Variants in NELL1 observed in about 807,000 individuals in gnomAD.
NELL1 encodes neural EGFL like 1, also known as protein kinase C-binding protein NELL1.
In NELL1, 76 loss-of-function variants were observed where a neutral mutation model predicts 107.4. That is an observed-to-expected ratio of 0.71 (90% CI 0.59 to 0.86). The LOEUF (loss-of-function observed/expected upper bound fraction) is 0.86, where lower values mean the gene tolerates loss of function less well. Among genes scored for constraint, NELL1 ranks in the 40% least tolerant of loss-of-function variants. The pLI is 0.00. For missense variants in NELL1, 1,024 were observed against 1,005.5 expected (o/e 1.02, Z -0.25); for synonymous variants, 353 against 341.2 (o/e 1.03, Z -0.38).
chr11:21,307,202 C>T (rs1236508160), intron 14 of NELL1, among the ~76,000 whole-genome samples: 2 of 151,886 alleles, frequency 1.3e-5, no homozygotes, highest in Non-Finnish European at 2.9e-5. Context: ...ACATCGACAG[C>T]TCTTTGACTA....
chr11:21,143,809 G>C (rs1002773358), intron 13 of NELL1, among the ~76,000 whole-genome samples: 2 of 152,018 alleles, frequency 1.3e-5, no homozygotes, highest in Non-Finnish European at 2.9e-5. Flanking sequence ...ATAAAGTCCC[G>C]GCAAGATGAA....
intron 2 of NELL1, among the ~76,000 whole-genome samples, chr11:20,763,097 C>G (rs1047416438): frequency 1.3e-5 from 2 of 152,134 alleles, no homozygotes; most frequent in Admixed American, 6.5e-5. Context: ...CTAACTTACC[C>G]GGAGACACCT....
chr11:20,722,705 C>T (rs577316672), intron 2 of NELL1, among the ~76,000 whole-genome samples: 2 of 152,196 alleles, frequency 1.3e-5, no homozygotes, highest in Admixed American at 1.3e-4. Flanking sequence ...AAGCCAGAGT[C>T]AGAGAAATAA....
chr11:21,143,500 T>C (rs1220770065), intron 13 of NELL1, among the ~76,000 whole-genome samples: 1 of 152,094 alleles, frequency 6.6e-6, no homozygotes, highest in East Asian at 1.9e-4. Context: ...CTTGGTGGAG[T>C]AGCCAAAGGA....
intron 15 of NELL1, among the ~76,000 whole-genome samples, chr11:21,445,685 T>C (rs1200806320): frequency 3.3e-5 from 5 of 152,198 alleles, no homozygotes; most frequent in Admixed American, 6.5e-5. Context: ...ATTAATATCC[T>C]TTTCTTTCAG....
chr11:20,695,676 G>C (rs1040339573), intron 2 of NELL1, among the ~76,000 whole-genome samples: 1 of 152,046 alleles, frequency 6.6e-6, no homozygotes, highest in Admixed American at 6.6e-5. Flanking sequence ...CTGTTTGCTC[G>C]TATTTTGTTG....
chr11:20,778,016 G>C (rs1422679222), intron 2 of NELL1, among the ~76,000 whole-genome samples: 1 of 152,184 alleles, frequency 6.6e-6, no homozygotes, highest in Non-Finnish European at 1.5e-5. Context: ...TGTAGTAAGA[G>C]ATACACTTGC....
At chr11:20,775,875 T>C (rs1389479118) in intron 2 of NELL1, among the ~76,000 whole-genome samples, 1 of 152,226 alleles carries the variant, frequency 6.6e-6, no homozygotes, top group Admixed American at 6.5e-5. Flanking sequence ...TTTAGTCCCC[T>C]AATGGAGGAG....
intron 2 of NELL1, among the ~76,000 whole-genome samples, chr11:20,770,163 C>T (rs1394691432): frequency 2.6e-5 from 4 of 152,060 alleles, no homozygotes; most frequent in African/African-American, 9.7e-5. Flanking sequence ...CATTTTAGCC[C>T]TCAGTTATGG....
chr11:21,050,506 A>G (rs1221176222), intron 12 of NELL1, among the ~76,000 whole-genome samples: 2 of 152,206 alleles, frequency 1.3e-5, no homozygotes, highest in East Asian at 1.9e-4. Context: ...GAATTAAAAT[A>G]TACAGTGTTA....
rs1470817400 is a variant in NELL1, at chr11:20,705,006, T to C, written c.184+26946T>C. On this transcript the variant is annotated intron_variant, in intron 2 of 19. Coordinates refer to ENST00000357134, the MANE Select transcript of NELL1 (RefSeq NM_006157.5). ...AACTACAAACCACTGCTCAATGAAA[T>C]AAAAGAGGATACAAACAAATGGAAG... is the stretch of plus-strand genomic sequence containing the variant. Among the ~76,000 whole-genome samples the C allele has an allele frequency of 2.0e-5, 3 of 151,910 alleles. No individual in the cohort carries two copies. The East Asian group carries it at 5.8e-4, about 29-fold the overall frequency.
At chr11:21,515,164 A>G (rs7952026) in intron 15 of NELL1, among the ~76,000 whole-genome samples, 56,806 of 152,130 alleles carry the variant, frequency 0.37, 12,208 homozygotes, top group Non-Finnish European at 0.48. Flanking sequence ...TGATTTTTAC[A>G]GTACAGACCT....
At chr11:21,110,458 G>A (rs1021817314) in intron 12 of NELL1, among the ~76,000 whole-genome samples, 1 of 152,054 alleles carries the variant, frequency 6.6e-6, no homozygotes, top group African/African-American at 2.4e-5. Flanking sequence ...AAATAGCTTG[G>A]CTGGCTTGAC....
chr11:21,548,333 ATTAG>A (rs1319144960), intron 16 of NELL1, among the ~76,000 whole-genome samples: 1 of 151,884 alleles, frequency 6.6e-6, no homozygotes, highest in African/African-American at 2.4e-5. Context: ...TGGAGATTGT[ATTAG>A]TTTGTTTTCA....
intron 2 of NELL1, among the ~76,000 whole-genome samples, chr11:20,689,798 C>G (rs1425546442): frequency 1.3e-5 from 2 of 151,710 alleles, no homozygotes; most frequent in Non-Finnish European, 2.9e-5. Flanking sequence ...TGGGTATATA[C>G]TCAGTAATGG....
intron 13 of NELL1, among the ~76,000 whole-genome samples, chr11:21,137,536 G>A (rs368249131): frequency 3.9e-5 from 6 of 152,174 alleles, no homozygotes; most frequent in East Asian, 1.9e-4. Context: ...GTTGGATAGC[G>A]GGTAGAATTT....
At chr11:20,892,785 C>T (rs147232616) in intron 5 of NELL1, among the ~76,000 whole-genome samples, 1,852 of 152,106 alleles carry the variant, frequency 0.012, 52 homozygotes, top group African/African-American at 0.039. Context: ...AAAACTTAGC[C>T]GGGTGTGGCG....
intron 9 of NELL1, among the ~76,000 whole-genome samples, chr11:20,935,973 G>A (rs2134182952): frequency 6.6e-6 from 1 of 152,222 alleles, no homozygotes; most frequent in African/African-American, 2.4e-5. Context: ...ATATTTGGGT[G>A]GGGAGTGAGG....
At chr11:21,438,442 A>G (rs1014957398) in intron 15 of NELL1, among the ~76,000 whole-genome samples, 1 of 152,016 alleles carries the variant, frequency 6.6e-6, no homozygotes, top group African/African-American at 2.4e-5. Flanking sequence ...ACTCAGAGAG[A>G]ACTTTTTGTT....
Sources: gnomAD v4.1 joint callset for allele counts (sites outside exome capture counted in the v4.1 genomes callset) on GRCh38, gnomAD v4.1.1 for gene constraint, MANE v1.5 for transcripts, NCBI Gene and HGNC (gene_info 2026-07-23, HGNC 2026-07-21) for gene names.